SLC11A2: variants seen among roughly 807,000 people sequenced by gnomAD.
The protein encoded by SLC11A2 is solute carrier family 11 member 2.
SLC11A2 carries 38 observed loss-of-function variants against 68.0 expected under a neutral mutation model. The observed-to-expected ratio is 0.56, with a 90% CI of 0.43 to 0.73. The LOEUF (loss-of-function observed/expected upper bound fraction) is 0.73, where lower values mean the gene tolerates loss of function less well. Among genes scored for constraint, SLC11A2 ranks in the 30% least tolerant of loss-of-function variants. SLC11A2 has a pLI of 0.00. For synonymous variants in SLC11A2, 242 were observed against 250.6 expected (o/e 0.97, Z 0.32); for missense variants, 517 against 690.5 (o/e 0.75, Z 2.82).
downstream of SLC11A2, among the ~76,000 whole-genome samples, chr12:50,984,539 C>A (rs1481491525): frequency 2.0e-5 from 3 of 152,104 alleles, no homozygotes; most frequent in African/African-American, 7.2e-5. Flanking sequence ...AGTTGATAGA[C>A]CACTTTCATT....
chr12:51,010,654 T>C (rs370507350), intron 2 of SLC11A2, 41 bp downstream of exon 2: 7 of 1,125,942 alleles, frequency 6.2e-6, no homozygotes, highest in Middle Eastern at 1.9e-4. Flanking sequence ...ATAAACCTAA[T>C]TACAAATAAA....
At chr12:50,952,485 T>C in the SLC11A2 span, among the ~76,000 whole-genome samples, 1 of 152,082 alleles carries the variant, frequency 6.6e-6, no homozygotes, top group African/African-American at 2.4e-5. Flanking sequence ...CAAGGTGTTC[T>C]CCAAGGTCTC....
Position 50,999,249 on chromosome 12 carries a change from A to G in SLC11A2, c.608-8T>C. 1.2e-6 allele frequency: 2 copies of G among 1,613,450 alleles called. No individual in the cohort carries two copies. Among genetic ancestry groups the G allele is most frequent in the South Asian group, 2.2e-5 (2 of 91,068 alleles). ...CTTCTAGCTTCCGCAAGCCTAAAGG[A>G]AAAAAGGCAGCAGTGAGCTCAGAGA... On this transcript the variant is annotated splice_region_variant and splice_polypyrimidine_tract_variant and intron_variant, in intron 7 of 15. Transcript: ENST00000262052.
At chr12:50,956,545 A>G in the SLC11A2 span, among the ~76,000 whole-genome samples, 1 of 152,218 alleles carries the variant, frequency 6.6e-6, no homozygotes, top group Non-Finnish European at 1.5e-5. Context: ...AACTTCCATC[A>G]TTATAAATAT....
chr12:51,000,246 T>A, intron 6 of SLC11A2, 67 bp downstream of exon 6: 1 of 1,191,702 alleles, frequency 8.4e-7, no homozygotes, highest in Non-Finnish European at 1.3e-6. Flanking sequence ...TGAATTGGGT[T>A]TTTGTTTTTA....
At chr12:50,961,918 C>T in the SLC11A2 span, among the ~76,000 whole-genome samples, 25,471 of 152,060 alleles carry the variant, frequency 0.17, 2,535 homozygotes, top group East Asian at 0.5. Context: ...AGCCTTACTA[C>T]AAAGTTACAG....
chr12:50,986,694 G>A lies in SLC11A2; in HGVS notation c.*1631C>T, dbSNP rs1940599652. ...GTTTGGAGAATTACGATGGTAAGGGGAAGAGGCAGATATGAAGAGGAATGG... is the reference window on the plus strand; with the variant it reads ...GTTTGGAGAATTACGATGGTAAGGGAAAGAGGCAGATATGAAGAGGAATGG... On this transcript the variant is annotated 3_prime_UTR_variant, in exon 16 of 16. Transcript: ENST00000262052. The A allele has an allele frequency of 7.8e-7, 1 of 1,286,936 alleles. No homozygotes were observed. Among genetic ancestry groups the A allele is most frequent in the African/African-American group, 1.5e-5 (1 of 65,902 alleles). 79.7% of individuals were successfully genotyped at this position (1,286,936 alleles called of 1,614,324 possible). A position where few individuals can be genotyped will look rare whatever the true frequency, so the allele number is the denominator to read the frequency against.
chr12:50,989,463 C>T (rs1324290674), intron 15 of SLC11A2, among the ~76,000 whole-genome samples: 1 of 152,172 alleles, frequency 6.6e-6, no homozygotes, highest in East Asian at 1.9e-4. Context: ...TATACCCTAG[C>T]TTGGGCGATA....
chr12:51,017,313 T>C (rs1943733224), intron 1 of SLC11A2, among the ~76,000 whole-genome samples: 1 of 152,182 alleles, frequency 6.6e-6, no homozygotes, highest in Non-Finnish European at 1.5e-5. Context: ...AATAAGACGA[T>C]CTATCATGTA....
the SLC11A2 span, chr12:50,954,181 AAT>A: frequency 2.5e-6 from 2 of 786,682 alleles, no homozygotes; most frequent in Non-Finnish European, 4.2e-6. Flanking sequence ...TGTTTCTTAT[AAT>A]TGAATTTTTT....
the SLC11A2 span, among the ~76,000 whole-genome samples, chr12:50,973,917 A>T: frequency 6.6e-6 from 1 of 152,216 alleles, no homozygotes; most frequent in Non-Finnish European, 1.5e-5. Context: ...AATGAAATGA[A>T]GTGAGAAGAG....
At chr12:50,977,560 C>T (rs1237047035), downstream of SLC11A2, among the ~76,000 whole-genome samples, 1 of 152,312 alleles carries the variant, frequency 6.6e-6, no homozygotes, top group East Asian at 1.9e-4. Flanking sequence ...AAAACCTAGG[C>T]ATTACCATTC....
chr12:51,024,914 A>G (rs1319889210), intron 1 of SLC11A2: 1 of 152,206 alleles, frequency 6.6e-6, no homozygotes, highest in African/African-American at 2.4e-5. Context: ...GTATGCTGCA[A>G]TCATGGCCTT....
chr12:51,005,006 T>C, intron 4 of SLC11A2, 99 bp from the exon 5 acceptor site: 1 of 1,378,502 alleles, frequency 7.3e-7, no homozygotes, highest in African/African-American at 1.4e-5. Context: ...AAATACTGCA[T>C]TCAGAAAAGA....
At chr12:51,027,270 T>C (rs554660013), upstream of SLC11A2, among the ~76,000 whole-genome samples, 1 of 148,342 alleles carries the variant, frequency 6.7e-6, no homozygotes, top group East Asian at 2.0e-4. Flanking sequence ...GCCTGGGAGG[T>C]GGAGGCTGCG....
chr12:50,960,909 G>GT, the SLC11A2 span: 239,175 of 1,446,372 alleles, frequency 0.17, 23,078 homozygotes, highest in East Asian at 0.49. Context: ...CAAACTCCTG[G>GT]TCTCACACGA....
chr12:50,987,684 TTG>T lies in SLC11A2; in HGVS notation c.*639_*640del. 7.8e-7 allele frequency: 1 copy of T among 1,287,172 alleles called. No individual in the cohort carries two copies. The allele number at this position is 1,287,172 out of a possible 1,614,324, so 79.7% of individuals were successfully genotyped here. On this transcript the variant is annotated 3_prime_UTR_variant, in exon 16 of 16. Coordinates refer to ENST00000262052, the MANE Select transcript of SLC11A2 (RefSeq NM_000617.3). Reference sequence around the variant, plus strand: ...ACCACCTAGCGATGTGGTGCTGGTTTTGTTAGTTGTCAGTTTTTCCCCTTCTT... The same window carrying T: ...ACCACCTAGCGATGTGGTGCTGGTTTTTAGTTGTCAGTTTTTCCCCTTCTT...
At chr12:50,956,657 C>T in the SLC11A2 span, among the ~76,000 whole-genome samples, 1 of 152,172 alleles carries the variant, frequency 6.6e-6, no homozygotes, top group African/African-American at 2.4e-5. Context: ...TTGCTTGTTT[C>T]ACTTAACAGC....
At chr12:51,011,832 T>A (rs994364305) in intron 1 of SLC11A2, among the ~76,000 whole-genome samples, 1 of 152,138 alleles carries the variant, frequency 6.6e-6, no homozygotes, top group East Asian at 1.9e-4. Context: ...AGTGCTGGGA[T>A]TACAGGCATG....
Sources: allele counts gnomAD v4.1 joint callset (sites outside exome capture counted in the v4.1 genomes callset), GRCh38; gene constraint gnomAD v4.1.1; transcripts MANE v1.5; gene names NCBI Gene and HGNC (gene_info 2026-07-23, HGNC 2026-07-21).